GRAMD2A: variants seen among roughly 807,000 people sequenced by gnomAD.
GRAMD2A encodes the protein GRAM domain-containing protein 2A.
Under a neutral mutation model 51.1 loss-of-function variants are expected in GRAMD2A, and 37 were observed. The ratio of observed to expected loss-of-function variants is 0.72; its 90% CI spans 0.56 to 0.95. The LOEUF is 0.95. Among genes scored for constraint, GRAMD2A ranks in the 40% least tolerant of loss-of-function variants. The pLI, the probability that GRAMD2A is intolerant of heterozygous loss-of-function variation, is 0.00. For synonymous variants in GRAMD2A, 136 were observed against 157.1 expected, an observed-to-expected ratio of 0.87 and a Z score of 1.01; for missense variants, 414 against 426.9, an observed-to-expected ratio of 0.97 and a Z score of 0.27.
At chr15:72,191,742 T>C (rs779419809) in intron 1 of GRAMD2A, among the ~76,000 whole-genome samples, 1 of 151,858 alleles carries the variant, frequency 6.6e-6, no homozygotes, top group Non-Finnish European at 1.5e-5. Context: ...AATACATAAA[T>C]CAAAGGAATG....
intron 1 of GRAMD2A, among the ~76,000 whole-genome samples, chr15:72,178,854 G>GCA: frequency 6.6e-6 from 1 of 151,966 alleles, no homozygotes; most frequent in East Asian, 1.9e-4. Flanking sequence ...GATTACAGTT[G>GCA]TGAGCCACCC....
chr15:72,172,118 G>A (rs1235895137), intron 1 of GRAMD2A, among the ~76,000 whole-genome samples: 5 of 149,478 alleles, frequency 3.3e-5, no homozygotes, highest in African/African-American at 5.0e-5. Flanking sequence ...GAGCCACCAC[G>A]CCCGGCCTTT....
chr15:72,162,729 A>C (rs2081492747), intron 10 of GRAMD2A: 1 of 237,622 alleles, frequency 4.2e-6, no homozygotes, highest in African/African-American at 2.3e-5. Context: ...ATGACCCCCT[A>C]GGCGGTGGGC....
chr15:72,196,646 G>A (rs2081807153), intron 1 of GRAMD2A, among the ~76,000 whole-genome samples: 1 of 152,178 alleles, frequency 6.6e-6, no homozygotes, highest in Non-Finnish European at 1.5e-5. Flanking sequence ...CTTTAGAGCC[G>A]GCTACAGGTG....
chr15:72,190,404 C>G (rs1468079558), intron 1 of GRAMD2A, among the ~76,000 whole-genome samples: 1 of 152,004 alleles, frequency 6.6e-6, no homozygotes, highest in East Asian at 1.9e-4. Context: ...TTCCCAATAC[C>G]TAAATGGACC....
intron 1 of GRAMD2A, among the ~76,000 whole-genome samples, chr15:72,174,334 C>T (rs2081636247): frequency 6.6e-6 from 1 of 152,176 alleles, no homozygotes; most frequent in South Asian, 2.1e-4. Flanking sequence ...GCACAGGGCT[C>T]AGCCTGGTCC....
Position 72,163,711 on chromosome 15 carries a change from G to C in GRAMD2A, c.647C>G (p.Ser216Cys), listed in dbSNP as rs990116394. 2 of 1,609,922 alleles carry C rather than the reference G, an allele frequency of 1.2e-6. No individual in the cohort carries two copies. The highest frequency in any genetic ancestry group is 2.7e-5 in the African/African-American group (2 of 74,610). Residue 216 changes from serine (S) to cysteine (C), a missense_variant, in exon 9 of 12, where the codon TCC becomes TGC. Ser to Cys is a moderately radical substitution (Grantham distance 112). Transcript: ENST00000309731. Reference protein sequence around the residue: ...EMKWRKVCPSSRSLSLPDNIP... With the variant: ...EMKWRKVCPSCRSLSLPDNIP... ...GTTGTCTGGGAGAGACAGGGACCTGGAGGAAGGGCATACCTTTCTCCACTT... is the reference window on the plus strand; with the variant it reads ...GTTGTCTGGGAGAGACAGGGACCTGCAGGAAGGGCATACCTTTCTCCACTT...
chr15:72,192,430 G>T (rs2081774419), intron 1 of GRAMD2A, among the ~76,000 whole-genome samples: 1 of 152,164 alleles, frequency 6.6e-6, no homozygotes, highest in Admixed American at 6.5e-5. Flanking sequence ...TTTTAAAATA[G>T]CATTTTGTGT....
At chr15:72,179,405 GGCGAGAGAGAGCCAGGTAGGT>G (rs2081680384) in intron 1 of GRAMD2A, among the ~76,000 whole-genome samples, 1 of 152,254 alleles carries the variant, frequency 6.6e-6, no homozygotes, top group Non-Finnish European at 1.5e-5. Context: ...GGAGGGAACA[GGCGAGAGAGAGCCAGGTAGGT>G]GCGAGCTGCA....
At chr15:72,168,666 G>T (rs939787831) in intron 3 of GRAMD2A, 100 bp from the exon 4 acceptor site, 2 of 1,017,894 alleles carry the variant, frequency 2.0e-6, no homozygotes, top group African/African-American at 1.6e-5. Flanking sequence ...CCCGGCCCAT[G>T]CTGGGGACTT....
chr15:72,194,462 ATTAC>A (rs1381857146), intron 1 of GRAMD2A, among the ~76,000 whole-genome samples: 1 of 152,134 alleles, frequency 6.6e-6, no homozygotes, highest in African/African-American at 2.4e-5. Context: ...TTATGCTTGA[ATTAC>A]TTAGCAAGAG....
At chr15:72,168,889 C>T (rs530481244) in intron 3 of GRAMD2A, 50 bp downstream of exon 3, 1 of 1,560,688 alleles carries the variant, frequency 6.4e-7, no homozygotes, top group African/African-American at 1.4e-5. Flanking sequence ...ATTCTGGCAG[C>T]CCAGGACCCC....
intron 1 of GRAMD2A, among the ~76,000 whole-genome samples, chr15:72,177,050 T>G (rs2081658821): frequency 6.6e-6 from 1 of 151,640 alleles, no homozygotes; most frequent in Admixed American, 6.6e-5. Flanking sequence ...AAAATTTTTT[T>G]ATAGAGATAA....
At chr15:72,168,305 G>A (rs2081570549) in intron 4 of GRAMD2A, among the ~76,000 whole-genome samples, 186 bp downstream of exon 4, 1 of 152,194 alleles carries the variant, frequency 6.6e-6, no homozygotes. Context: ...CTTCAAAAAT[G>A]CAATGCTATG....
At position 72,168,503 on chromosome 15, in the gene GRAMD2A, C is replaced by T. The variant is rs534785838; in HGVS notation, c.256G>A (p.Val86Met). The T allele has an allele frequency of 6.2e-7, 1 of 1,613,364 alleles. No homozygotes were observed. Among genetic ancestry groups the T allele is most frequent in the African/African-American group, 1.3e-5 (1 of 75,050 alleles). Reference protein sequence around the residue: ...KLFKDVPLEEVVLKVCSCALQ... With the variant: ...KLFKDVPLEEMVLKVCSCALQ... Reference sequence around the variant, plus strand: ...GGAGACAGCTCACCTTTGAGAACCACTTCCTCCAAGGGAACATCCTTAAAC... The same window carrying T: ...GGAGACAGCTCACCTTTGAGAACCATTTCCTCCAAGGGAACATCCTTAAAC... The change falls in exon 4 of 12, where the codon GTG becomes ATG. Residue 86 changes from valine (V) to methionine (M), a missense_variant. Physicochemically the swap from Val to Met is conservative, Grantham distance 21. Transcript: ENST00000309731.
intron 1 of GRAMD2A, among the ~76,000 whole-genome samples, chr15:72,191,748 G>T (rs1419727446): frequency 6.6e-6 from 1 of 151,884 alleles, no homozygotes; most frequent in Non-Finnish European, 1.5e-5. Flanking sequence ...TAAATCAAAG[G>T]AATGGTTTAA....
chr15:72,182,198 C>T (rs2081701269), intron 1 of GRAMD2A, among the ~76,000 whole-genome samples: 1 of 151,840 alleles, frequency 6.6e-6, no homozygotes. Context: ...AACCCTGTCT[C>T]TACTAAAAAT....
intron 1 of GRAMD2A, among the ~76,000 whole-genome samples, chr15:72,196,382 G>A (rs1006777335): frequency 2.6e-5 from 4 of 151,974 alleles, no homozygotes; most frequent in African/African-American, 7.3e-5. Flanking sequence ...TGGGCGTGGT[G>A]GTGGGCACCT....
chr15:72,197,589 C>G (rs1480103359), intron 1 of GRAMD2A, 142 bp downstream of exon 1: 4 of 602,192 alleles, frequency 6.6e-6, no homozygotes, highest in Admixed American at 5.1e-5. Context: ...GCCCGCATTC[C>G]GGCGGCCGGG....
Sources: gnomAD v4.1 joint callset for allele counts (sites outside exome capture counted in the v4.1 genomes callset) on GRCh38, gnomAD v4.1.1 for gene constraint, MANE v1.5 for transcripts, NCBI Gene and HGNC (gene_info 2026-07-23, HGNC 2026-07-21) for gene names.